The following TMX3 variants were observed in gnomAD, a reference collection of about 807,000 sequenced individuals.
The protein encoded by TMX3 is thioredoxin related transmembrane protein 3.
Under a neutral mutation model 64.4 loss-of-function variants are expected in TMX3, and 40 were observed. The observed-to-expected ratio is 0.62, with a 90% CI of 0.48 to 0.81. TMX3 has a LOEUF of 0.81. TMX3 is among the 30% of genes least tolerant of loss of function. The pLI is 0.00. For missense variants in TMX3, 497 were observed against 534.5 expected (o/e 0.93, Z 0.69); for synonymous variants, 189 against 175.7 (o/e 1.08, Z -0.60).
intron 8 of TMX3, among the ~76,000 whole-genome samples, chr18:68,693,546 C>T (rs996013813): frequency 5.9e-5 from 9 of 151,940 alleles, no homozygotes; most frequent in African/African-American, 2.2e-4. Context: ...TGAGTGTTGT[C>T]GCAACTTAGC....
intron 12 of TMX3, 132 bp downstream of exon 12, chr18:68,684,058 G>A (rs896569357): frequency 1.3e-5 from 9 of 713,530 alleles, no homozygotes; most frequent in South Asian, 7.2e-5. Context: ...GTGGATAAGC[G>A]AGGATTACTG....
intron 4 of TMX3, among the ~76,000 whole-genome samples, chr18:68,703,281 C>T (rs954826572): frequency 6.6e-6 from 1 of 152,148 alleles, no homozygotes; most frequent in African/African-American, 2.4e-5. Flanking sequence ...AACATAAGGA[C>T]TAATATAATT....
At position 68,697,233 on chromosome 18, in the gene TMX3, A is replaced by G. The variant is rs745972684; in HGVS notation, c.563T>C (p.Val188Ala). The change falls in exon 8 of 16, where the codon GTT (valine) becomes GCT (alanine). Residue 188 changes from valine to alanine, a missense_variant. By Grantham distance (64) the Val-to-Ala change is moderately conservative. Transcript: ENST00000299608. ...TCAAATTTTAAATATTACCTCAGGAACCACTTCTTCTGAGGCAGAAAAGAA... is the reference window on the plus strand; with the variant it reads ...TCAAATTTTAAATATTACCTCAGGAGCCACTTCTTCTGAGGCAGAAAAGAA... ...TYFFSASEEV[V>A]PEYVTLKEMP... 1 of 1,555,178 alleles carries G rather than the reference A, an allele frequency of 6.4e-7. No homozygotes were observed. The highest frequency in any genetic ancestry group is 8.8e-7 in the Non-Finnish European group (1 of 1,141,954).
At chr18:68,697,599 G>C (rs2298672) in intron 7 of TMX3, 10,442 of 337,894 alleles carry the variant, frequency 0.031, 566 homozygotes, top group African/African-American at 0.14. Context: ...GATGATTATA[G>C]GAAGATATGT....
At chr18:68,703,256 T>C (rs2030304122) in intron 4 of TMX3, among the ~76,000 whole-genome samples, 1 of 152,248 alleles carries the variant, frequency 6.6e-6, no homozygotes, top group Admixed American at 6.5e-5. Context: ...AAAACTCATT[T>C]TAAAAAACTG....
rs1264222617 is a variant in TMX3, at chr18:68,708,049, A to ATATATGTGTATATATATGTG, written c.265+1952_265+1971dup. ...TGTGTATATGTGTATATATGTGTAT[A>ATATATGTGTATATATATGTG]TATATGTGTATATATATGTGTATAT... On this transcript the variant is annotated intron_variant, in intron 4 of 15. Coordinates refer to ENST00000299608, the MANE Select transcript of TMX3 (RefSeq NM_019022.5). Among the ~76,000 whole-genome samples, 4 of 150,768 alleles carry ATATATGTGTATATATATGTG rather than the reference A, an allele frequency of 2.7e-5. No individual in the cohort carries two copies. The South Asian group carries it at 6.2e-4, about 24-fold the overall frequency.
At chr18:68,679,724 G>C in intron 14 of TMX3, 193 bp from the exon 15 acceptor site, 5 of 531,088 alleles carry the variant, frequency 9.4e-6, no homozygotes, top group Non-Finnish European at 1.3e-5. Flanking sequence ...CTGCCTGCTT[G>C]TGTTAATTCA....
intron 4 of TMX3, among the ~76,000 whole-genome samples, chr18:68,704,476 A>G (rs1211132630): frequency 6.6e-6 from 1 of 152,218 alleles, no homozygotes; most frequent in Admixed American, 6.5e-5. Flanking sequence ...TTTGAGAGCA[A>G]ACAATTTTGT....
Position 68,674,388 on chromosome 18 carries a change from C to A in TMX3, c.*2545G>T, listed in dbSNP as rs1021582111. 6.6e-6 allele frequency: 1 copy of A among 151,944 alleles called. No homozygotes were observed. Among genetic ancestry groups the A allele is most frequent in the Non-Finnish European group, 1.5e-5 (1 of 67,956 alleles). The allele number at this position is 151,944 out of a possible 1,614,324, so 9.4% of individuals were successfully genotyped here. A position where few individuals can be genotyped will look rare whatever the true frequency, so the allele number is the denominator to read the frequency against. Reference sequence around the variant, plus strand: ...AATGTCCTTAAATATTGTCTGAGCACCAAATTCTGCAAAAGCAAGGATCTA... The same window carrying A: ...AATGTCCTTAAATATTGTCTGAGCAACAAATTCTGCAAAAGCAAGGATCTA... On this transcript the variant is annotated 3_prime_UTR_variant, in exon 16 of 16. Coordinates refer to ENST00000299608, the MANE Select transcript of TMX3 (RefSeq NM_019022.5).
At chr18:68,701,141 G>T (rs1311411310) in intron 5 of TMX3, 2 of 543,066 alleles carry the variant, frequency 3.7e-6, no homozygotes, top group African/African-American at 2.1e-5. Flanking sequence ...AAAAAGTGGG[G>T]GAAGGAAAAA....
intron 6 of TMX3, 24 bp from the exon 7 acceptor site, chr18:68,698,055 C>T: frequency 1.3e-6 from 2 of 1,518,658 alleles, no homozygotes; most frequent in East Asian, 2.3e-5. Flanking sequence ...AAACAAAAAA[C>T]AAACTTGAAT....
intron 8 of TMX3, 61 bp from the exon 9 acceptor site, chr18:68,691,422 A>G (rs1914513268): frequency 2.6e-6 from 3 of 1,140,072 alleles, no homozygotes. Context: ...TAGTAACTAT[A>G]ATTTCAAAAG....
At chr18:68,681,897 C>A (rs1465951741) in intron 13 of TMX3, among the ~76,000 whole-genome samples, 4 of 152,104 alleles carry the variant, frequency 2.6e-5, no homozygotes, top group African/African-American at 9.7e-5. Flanking sequence ...CCCAGTTTTC[C>A]TACTACCTGT....
At chr18:68,713,418 A>G (rs980199078) in intron 2 of TMX3, among the ~76,000 whole-genome samples, 3 of 152,168 alleles carry the variant, frequency 2.0e-5, no homozygotes, top group African/African-American at 4.8e-5. Flanking sequence ...ACCTTCCCCT[A>G]TGCCAGAAAA....
intron 5 of TMX3, chr18:68,701,536 G>A (rs905330718): frequency 9.4e-6 from 11 of 1,172,104 alleles, no homozygotes; most frequent in East Asian, 6.2e-5. Flanking sequence ...AGCAAAACAC[G>A]TGAATTAGCC....
In TMX3 at chr18:68,684,207, G is replaced by T; in HGVS notation, c.831C>A (p.Tyr277Ter). The T allele has an allele frequency of 6.2e-7, 1 of 1,611,586 alleles. No individual in the cohort carries two copies. The highest frequency in any genetic ancestry group is 8.5e-7 in the Non-Finnish European group (1 of 1,178,174). Reference protein sequence around the residue: ...KSIIQEVARDYRDLFHRDFQF... With the variant: ...KSIIQEVARD ...GCACCTACCTATGGAAGAGGTCTCT[G>T]TAATCTCTTGCAACTTCCTGAATAA... is the stretch of plus-strand genomic sequence containing the variant. Residue 277 changes from tyrosine to a stop codon, truncating the protein, a stop_gained, in exon 12 of 16, where the codon TAC becomes TAA. Coordinates refer to ENST00000299608, the MANE Select transcript of TMX3 (RefSeq NM_019022.5). LOFTEE classifies it high-confidence loss of function.
chr18:68,714,521 C>T (rs1356355366), intron 1 of TMX3: 2 of 241,140 alleles, frequency 8.3e-6, no homozygotes, highest in Non-Finnish European at 8.1e-6. Flanking sequence ...GATCTGTCCT[C>T]GACCACCCTC....
rs73967587 is a variant in TMX3 at position 68,697,801 on chromosome 18, A to G, written c.492+131T>C. On this transcript the variant is annotated intron_variant, in intron 7 of 15. Coordinates refer to ENST00000299608, the MANE Select transcript of TMX3 (RefSeq NM_019022.5). ...AGAAGGAAGTGTTTTTATTATAAGA[A>G]ATGCTTAGAATGAATGAAAATATTT... is the stretch of plus-strand genomic sequence containing the variant. 1,140 of 582,704 alleles carry G rather than the reference A, an allele frequency of 2.0e-3. 12 individuals are homozygous for G. Among genetic ancestry groups the G allele is most frequent in the African/African-American group, 0.019 (1,019 of 53,450 alleles). The allele number at this position is 582,704 out of a possible 1,614,324, so 36.1% of individuals were successfully genotyped here.
At chr18:68,699,080 A>T (rs1254406776) in intron 6 of TMX3, among the ~76,000 whole-genome samples, 1 of 152,064 alleles carries the variant, frequency 6.6e-6, no homozygotes, top group Non-Finnish European at 1.5e-5. Context: ...TGGTGTGTAT[A>T]TTACAATACA....
Sources: gnomAD v4.1 joint callset for allele counts (sites outside exome capture counted in the v4.1 genomes callset) on GRCh38, gnomAD v4.1.1 for gene constraint, MANE v1.5 for transcripts, NCBI Gene and HGNC (gene_info 2026-07-23, HGNC 2026-07-21) for gene names.